EPRS1: variants seen among roughly 807,000 people sequenced by gnomAD.
EPRS1 encodes bifunctional glutamate/proline--tRNA ligase.
Under a neutral mutation model 188.3 loss-of-function variants are expected in EPRS1, and 107 were observed. The observed-to-expected ratio is 0.57, with a 90% confidence interval of 0.49 to 0.67. The LOEUF (loss-of-function observed/expected upper bound fraction) is 0.67, where lower values mean the gene tolerates loss of function less well. Ranked by LOEUF, EPRS1 falls within the 30% of genes least tolerant of loss-of-function variation. EPRS1 has a pLI of 0.00. For synonymous variants in EPRS1, 596 were observed against 593.1 expected, an observed-to-expected ratio of 1.00 and a Z score of -0.07; for missense variants, 1,577 against 1,802.2, an observed-to-expected ratio of 0.88 and a Z score of 2.26.
chr1:220,044,681 C>CAAAAAAAAAAACA (rs1662364962), intron 1 of EPRS1, among the ~76,000 whole-genome samples: 1 of 88,330 alleles, frequency 1.1e-5, no homozygotes, highest in African/African-American at 4.2e-5. Flanking sequence ...GCTCGGTCTC[C>CAAAAAAAAAAACA]AAAAAAAAAA....
At chr1:220,039,858 T>A (rs967880609) in intron 2 of EPRS1, among the ~76,000 whole-genome samples, 3 of 152,260 alleles carry the variant, frequency 2.0e-5, no homozygotes, top group Non-Finnish European at 2.9e-5. Context: ...AGGCCAAACG[T>A]GGTGGCTCAC....
chr1:219,991,015 CA>C (rs1661111079), intron 18 of EPRS1, among the ~76,000 whole-genome samples: 2 of 152,034 alleles, frequency 1.3e-5, no homozygotes, highest in South Asian at 4.2e-4. Flanking sequence ...ACAACCTATA[CA>C]AAAGACTTTG....
In EPRS1 at chr1:219,987,398, C is replaced by T; in HGVS notation, c.2782G>A (p.Val928Ile). ...AGGAGTTCTTGAACAGCTATATCTA[C>T]TTGATCCTTTAGTTTAACAAAAGAG... The part of the protein sequence containing the change: ...LKTEKAPKDQ[V>I]DIAVQELLQL... The change falls in exon 20 of 32, where the codon GTA becomes ATA. Residue 928 changes from valine to isoleucine, a missense_variant. Physicochemically the swap from Val to Ile is conservative, Grantham distance 29 (BLOSUM62 3). Transcript: ENST00000366923. 1.8e-5 allele frequency: 28 copies of T among 1,592,610 alleles called. No homozygotes were observed. Among genetic ancestry groups the T allele is most frequent in the Non-Finnish European group, 2.4e-5 (28 of 1,171,994 alleles).
intron 1 of EPRS1, among the ~76,000 whole-genome samples, chr1:220,044,443 G>A (rs899967539): frequency 4.6e-5 from 7 of 152,086 alleles, no homozygotes; most frequent in African/African-American, 1.7e-4. Flanking sequence ...TGTATCAGGA[G>A]GCTGGGCATG....
chr1:220,040,765 G>T (rs1374530257), intron 1 of EPRS1, among the ~76,000 whole-genome samples: 1 of 151,712 alleles, frequency 6.6e-6, no homozygotes, highest in East Asian at 1.9e-4. Context: ...CAGGAGAATC[G>T]CTTGAACCTG....
chr1:219,971,638 A>G (rs1472600253), intron 30 of EPRS1, among the ~76,000 whole-genome samples: 4 of 151,936 alleles, frequency 2.6e-5, no homozygotes, highest in Admixed American at 6.6e-5. Context: ...TCAATAAAGA[A>G]AAAAGGAGAC....
At chr1:220,004,780 A>T (rs1571676714) in intron 16 of EPRS1, among the ~76,000 whole-genome samples, 1 of 152,292 alleles carries the variant, frequency 6.6e-6, no homozygotes, top group East Asian at 1.9e-4. Context: ...AAGAAAAAAA[A>T]GGGACAAAAA....
At chr1:220,038,589 G>T (rs943133338) in intron 2 of EPRS1, among the ~76,000 whole-genome samples, 1 of 151,536 alleles carries the variant, frequency 6.6e-6, no homozygotes, top group African/African-American at 2.4e-5. Flanking sequence ...ATGTTGCCCA[G>T]GCTGGTCTCA....
intron 2 of EPRS1, among the ~76,000 whole-genome samples, chr1:220,038,690 T>C (rs1300691272): frequency 6.6e-6 from 1 of 152,080 alleles, no homozygotes; most frequent in Non-Finnish European, 1.5e-5. Flanking sequence ...ATACCCTGTT[T>C]CATAGGGGAG....
chr1:220,000,522 T>C (rs902699035), intron 17 of EPRS1, among the ~76,000 whole-genome samples: 1 of 152,252 alleles, frequency 6.6e-6, no homozygotes, highest in African/African-American at 2.4e-5. Context: ...CTCTTTTAAC[T>C]AAAATTTTTA....
chr1:220,045,006 T>G (rs548538058), intron 1 of EPRS1, among the ~76,000 whole-genome samples: 2 of 152,232 alleles, frequency 1.3e-5, no homozygotes, highest in Non-Finnish European at 2.9e-5. Flanking sequence ...CTGCAACCAA[T>G]ATGCCAAAAC....
intron 13 of EPRS1, among the ~76,000 whole-genome samples, chr1:220,009,262 T>C (rs1661554817): frequency 6.6e-6 from 1 of 152,206 alleles, no homozygotes; most frequent in Non-Finnish European, 1.5e-5. Flanking sequence ...AAGACAATCA[T>C]ATAAAGCTAC....
intron 2 of EPRS1, among the ~76,000 whole-genome samples, chr1:220,039,761 G>A (rs1251956859): frequency 5.3e-5 from 8 of 151,994 alleles, no homozygotes; most frequent in Non-Finnish European, 1.2e-4. Flanking sequence ...CTCATGATCC[G>A]CCTGCCTCAG....
rs778527413 is a variant in EPRS1 at position 220,006,247 on chromosome 1, T to C, written c.1809A>G (p.Lys603=). Residue 603 remains lysine (K), a synonymous_variant, in exon 15 of 32, where the codon AAA becomes AAG. Coordinates refer to ENST00000366923, the MANE Select transcript of EPRS1 (RefSeq NM_004446.3). ...KLNLENKDYK[K]TTKVTWLAET... ...CTGCAAGCCAAGTGACCTTAGTGGT[T>C]TTCTTGTAGTCTTTGTTTTCCAAAT... 4.4e-6 allele frequency: 7 copies of C among 1,598,748 alleles called. No homozygotes were observed.
intron 9 of EPRS1, among the ~76,000 whole-genome samples, chr1:220,020,475 T>C (rs533320856): frequency 6.6e-6 from 1 of 152,292 alleles, no homozygotes; most frequent in African/African-American, 2.4e-5. Flanking sequence ...AGGTATTGGC[T>C]TGGCAAATTG....
At chr1:220,011,088 T>G (rs764314603) in intron 12 of EPRS1, 32 bp from the exon 13 acceptor site, 1 of 1,230,328 alleles carries the variant, frequency 8.1e-7, no homozygotes, top group South Asian at 1.2e-5. Context: ...GTTAAAACAC[T>G]GCGATATCTT....
intron 15 of EPRS1, among the ~76,000 whole-genome samples, chr1:220,005,859 G>A (rs1253109095): frequency 3.3e-5 from 3 of 89,598 alleles, no homozygotes; most frequent in South Asian, 3.5e-4. Flanking sequence ...TTGTAGAGAC[G>A]GGGTTTCACC....
chr1:219,990,859 T>A (rs1176631962), intron 18 of EPRS1, among the ~76,000 whole-genome samples: 1 of 152,156 alleles, frequency 6.6e-6, no homozygotes, highest in South Asian at 2.1e-4. Flanking sequence ...TACAATATCA[T>A]ACAACAGCAG....
rs1660935162 is a variant in EPRS1, at chr1:219,983,313, G to A, written c.3176C>T (p.Ala1059Val). ...CTCAGCATCAAAAAAGTCCTTGATG[G>A]CTTCCCAAATGGCATAGGCCCAGGG... ...LRPWAYAIWE[A>V]IKDFFDAEIK... The change falls in exon 22 of 32, where the codon GCC becomes GTC. Residue 1059 changes from alanine to valine, a missense_variant. Around this residue, in one of 3 missense-constraint regions of EPRS1, gnomAD observed 1,278 missense variants for 1,457.4 expected, o/e 0.88. Coordinates refer to ENST00000366923, the MANE Select transcript of EPRS1 (RefSeq NM_004446.3). 1 of 1,613,582 alleles carries A rather than the reference G, an allele frequency of 6.2e-7. No individual in the cohort carries two copies. Among genetic ancestry groups the A allele is most frequent in the South Asian group, 1.1e-5 (1 of 91,078 alleles).
Sources: allele counts gnomAD v4.1 joint callset (sites outside exome capture counted in the v4.1 genomes callset), GRCh38; gene constraint gnomAD v4.1.1; regional missense constraint gnomAD v4.1.1; transcripts MANE v1.5; gene names NCBI Gene and HGNC (gene_info 2026-07-23, HGNC 2026-07-21).